The following SLC35D4 variants were observed in gnomAD, a reference collection of about 807,000 sequenced individuals.
SLC35D4 encodes UDP-N-acetylglucosamine transporter SLC35D4.
At chr18:23,406,873 C>T in the SLC35D4 span, among the ~76,000 whole-genome samples, 2 of 152,206 alleles carry the variant, frequency 1.3e-5, no homozygotes, top group African/African-American at 2.4e-5. Context: ...TGTGCCATCA[C>T]GGCTCACTGC....
chr18:23,391,942 CTTTTTTT>C, the SLC35D4 span, among the ~76,000 whole-genome samples: 2 of 144,376 alleles, frequency 1.4e-5, no homozygotes, highest in South Asian at 4.4e-4. Context: ...CTTTCTTCTT[CTTTTTTT>C]TTTTTTGAGA....
the SLC35D4 span, among the ~76,000 whole-genome samples, chr18:23,282,005 C>T: frequency 6.6e-6 from 1 of 152,246 alleles, no homozygotes; most frequent in African/African-American, 2.4e-5. Flanking sequence ...GGTTCCATCT[C>T]CCACTTAGAG....
At chr18:23,374,198 T>G in the SLC35D4 span, among the ~76,000 whole-genome samples, 1 of 152,246 alleles carries the variant, frequency 6.6e-6, no homozygotes, top group Non-Finnish European at 1.5e-5. Context: ...AAATCCTTTG[T>G]GCAACCCCAC....
the SLC35D4 span, chr18:23,257,037 C>T: frequency 1.6e-6 from 1 of 606,806 alleles, no homozygotes; most frequent in African/African-American, 1.9e-5. Context: ...GGGAAAGGAG[C>T]AGCTCCTTCA....
the SLC35D4 span, among the ~76,000 whole-genome samples, chr18:23,352,518 G>A: frequency 6.6e-6 from 1 of 152,220 alleles, no homozygotes; most frequent in Non-Finnish European, 1.5e-5. Context: ...GAGGAATGGT[G>A]CAAAGAAATT....
chr18:23,379,990 G>C, the SLC35D4 span, among the ~76,000 whole-genome samples: 1 of 152,174 alleles, frequency 6.6e-6, no homozygotes, highest in East Asian at 1.9e-4. Flanking sequence ...TCAGCTACTC[G>C]GGAGGCTGAG....
At chr18:23,247,111 C>T in the SLC35D4 span, among the ~76,000 whole-genome samples, 5 of 152,220 alleles carry the variant, frequency 3.3e-5, no homozygotes, top group African/African-American at 9.6e-5. Flanking sequence ...ATCCCACTGC[C>T]GTGGCTCAAT....
At chr18:23,264,912 C>T in the SLC35D4 span, among the ~76,000 whole-genome samples, 3,908 of 146,464 alleles carry the variant, frequency 0.027, 178 homozygotes, top group African/African-American at 0.093. Flanking sequence ...CCCAAATTAC[C>T]GGGATTACAA....
the SLC35D4 span, among the ~76,000 whole-genome samples, chr18:23,417,025 T>G: frequency 2.0e-5 from 3 of 152,244 alleles, no homozygotes; most frequent in South Asian, 2.1e-4. Flanking sequence ...GAGGACTGCT[T>G]GAGGTCAGGA....
the SLC35D4 span, among the ~76,000 whole-genome samples, chr18:23,310,924 G>A: frequency 7.9e-5 from 12 of 152,116 alleles, no homozygotes; most frequent in African/African-American, 2.9e-4. Context: ...AAAGACCTGG[G>A]TATTGTCCTC....
the SLC35D4 span, among the ~76,000 whole-genome samples, chr18:23,281,158 G>A: frequency 6.6e-6 from 1 of 152,140 alleles, no homozygotes; most frequent in African/African-American, 2.4e-5. Flanking sequence ...GGGTATGGGG[G>A]TTCTTTTTGA....
the SLC35D4 span, among the ~76,000 whole-genome samples, chr18:23,268,544 C>G: frequency 6.6e-6 from 1 of 152,016 alleles, no homozygotes; most frequent in South Asian, 2.1e-4. Context: ...AGTCAAGGTT[C>G]GAGAGTCACA....
chr18:23,288,223 C>T, the SLC35D4 span, among the ~76,000 whole-genome samples: 1 of 152,220 alleles, frequency 6.6e-6, no homozygotes, highest in Non-Finnish European at 1.5e-5. Flanking sequence ...CTGTTCCTCA[C>T]CCTGATCACA....
At chr18:23,303,906 A>AAAG in the SLC35D4 span, among the ~76,000 whole-genome samples, 5 of 131,346 alleles carry the variant, frequency 3.8e-5, no homozygotes, top group Non-Finnish European at 3.2e-5. Flanking sequence ...TATCTCCAGG[A>AAAG]AAAAAAAAAA....
the SLC35D4 span, among the ~76,000 whole-genome samples, chr18:23,285,549 C>T: frequency 6.6e-6 from 1 of 152,150 alleles, no homozygotes; most frequent in Non-Finnish European, 1.5e-5. Flanking sequence ...GACGTCCAGG[C>T]TTTCTTTTAC....
chr18:23,375,184 T>TGGCA, the SLC35D4 span, among the ~76,000 whole-genome samples: 1 of 151,614 alleles, frequency 6.6e-6, no homozygotes. Flanking sequence ...AGATAATAAG[T>TGGCA]GGCAACATTT....
At chr18:23,308,900 G>GTA in the SLC35D4 span, among the ~76,000 whole-genome samples, 2 of 150,976 alleles carry the variant, frequency 1.3e-5, no homozygotes, top group African/African-American at 2.4e-5. Flanking sequence ...GTGTGTGTGT[G>GTA]TATACAGTTG....
At chr18:23,277,998 T>C in the SLC35D4 span, among the ~76,000 whole-genome samples, 1 of 152,214 alleles carries the variant, frequency 6.6e-6, no homozygotes, top group Admixed American at 6.5e-5. Context: ...CCACTTCTAC[T>C]GTGTTTATTG....
At chr18:23,279,949 C>T in the SLC35D4 span, among the ~76,000 whole-genome samples, 1 of 152,216 alleles carries the variant, frequency 6.6e-6, no homozygotes, top group African/African-American at 2.4e-5. Flanking sequence ...AAGCGATCCT[C>T]CCACCTTGGC....
Sources: allele counts gnomAD v4.1 joint callset (sites outside exome capture counted in the v4.1 genomes callset), GRCh38; gene constraint gnomAD v4.1.1; transcripts MANE v1.5; gene names NCBI Gene and HGNC (gene_info 2026-07-23, HGNC 2026-07-21).